Variants in ADTRP observed in about 807,000 individuals in gnomAD.
ADTRP encodes the protein androgen dependent TFPI regulating protein.
Under a neutral mutation model 27.0 loss-of-function variants are expected in ADTRP, and 20 were observed. The ratio of observed to expected loss-of-function variants is 0.74; its 90% confidence interval spans 0.52 to 1.08. The LOEUF is 1.08. ADTRP is among the 50% of genes least tolerant of loss of function. The pLI, the probability that ADTRP is intolerant of heterozygous loss-of-function variation, is 0.00. For missense variants in ADTRP, 251 were observed against 275.0 expected (o/e 0.91, Z 0.62); for synonymous variants, 101 against 105.2 (o/e 0.96, Z 0.25).
At chr6:11,764,399 T>C (rs991468494) in intron 3 of ADTRP, among the ~76,000 whole-genome samples, 1 of 152,190 alleles carries the variant, frequency 6.6e-6, no homozygotes, top group African/African-American at 2.4e-5. Flanking sequence ...CTTGAGAAGA[T>C]GTTTGCTAGG....
intron 3 of ADTRP, among the ~76,000 whole-genome samples, chr6:11,762,643 G>T: frequency 6.6e-6 from 1 of 152,166 alleles, no homozygotes; most frequent in East Asian, 1.9e-4. Flanking sequence ...ATAAGCTAGT[G>T]GATCTTGGCT....
At chr6:11,715,577 T>C (rs984612825) in intron 5 of ADTRP, among the ~76,000 whole-genome samples, 3 of 152,122 alleles carry the variant, frequency 2.0e-5, no homozygotes, top group East Asian at 1.9e-4. Flanking sequence ...CCGAGGCTTA[T>C]TGTTTATCAA....
intron 1 of ADTRP, chr6:11,769,968 AC>A (rs1763712120): frequency 6.6e-7 from 1 of 1,512,198 alleles, no homozygotes; most frequent in East Asian, 2.5e-5. Flanking sequence ...TAACAACCTT[AC>A]GAGCCAAGTC....
At chr6:11,715,432 T>A (rs976006627) in intron 5 of ADTRP, among the ~76,000 whole-genome samples, 7 of 152,138 alleles carry the variant, frequency 4.6e-5, no homozygotes, top group African/African-American at 1.7e-4. Flanking sequence ...TTACACTGAT[T>A]TCCTAGGATG....
At chr6:11,774,152 C>CA (rs35064760) in intron 1 of ADTRP, among the ~76,000 whole-genome samples, 97,694 of 150,344 alleles carry the variant, frequency 0.65, 32,132 homozygotes, top group East Asian at 0.93. Context: ...ACTAAAAATA[C>CA]AAAAAAAATT....
At chr6:11,763,430 C>A (rs1376581653) in intron 3 of ADTRP, among the ~76,000 whole-genome samples, 1 of 152,178 alleles carries the variant, frequency 6.6e-6, no homozygotes, top group Non-Finnish European at 1.5e-5. Flanking sequence ...ATGAAAGAAG[C>A]TTTCAGGACA....
chr6:11,726,519 C>T (rs1374371266), intron 4 of ADTRP, among the ~76,000 whole-genome samples: 1 of 152,188 alleles, frequency 6.6e-6, no homozygotes, highest in Non-Finnish European at 1.5e-5. Flanking sequence ...ATCTTCTCCA[C>T]CACATTGTGA....
chr6:11,763,345 G>A (rs1763450952), intron 3 of ADTRP, among the ~76,000 whole-genome samples: 1 of 152,230 alleles, frequency 6.6e-6, no homozygotes, highest in Non-Finnish European at 1.5e-5. Context: ...AACAACTGGG[G>A]CAGCATCATA....
intron 1 of ADTRP, among the ~76,000 whole-genome samples, chr6:11,772,807 T>C (rs1484953500): frequency 6.6e-6 from 1 of 152,196 alleles, no homozygotes; most frequent in Non-Finnish European, 1.5e-5. Flanking sequence ...AGGATTTCTG[T>C]CATCATTCAT....
chr6:11,762,535 A>G (rs1207646455), intron 3 of ADTRP, among the ~76,000 whole-genome samples: 1 of 152,236 alleles, frequency 6.6e-6, no homozygotes, highest in Non-Finnish European at 1.5e-5. Flanking sequence ...TTAAAGAGCC[A>G]GGGAAGGTCC....
chr6:11,736,425 T>A (rs1208547195), intron 3 of ADTRP: 2 of 152,568 alleles, frequency 1.3e-5, no homozygotes, highest in Non-Finnish European at 2.9e-5. Flanking sequence ...TTCGGCATAT[T>A]CTCACACACA....
intron 3 of ADTRP, among the ~76,000 whole-genome samples, chr6:11,752,157 C>T (rs73361777): frequency 0.013 from 1,918 of 152,098 alleles, 49 homozygotes; most frequent in African/African-American, 0.043. Flanking sequence ...CTTCTTGGTA[C>T]CTTTTATTCT....
intron 1 of ADTRP, among the ~76,000 whole-genome samples, chr6:11,776,332 G>T (rs532127762): frequency 6.6e-6 from 1 of 152,150 alleles, no homozygotes; most frequent in East Asian, 1.9e-4. Context: ...GTACCAAGTC[G>T]CAGCTTTTTA....
chr6:11,751,536 C>T (rs76233944), intron 3 of ADTRP, among the ~76,000 whole-genome samples: 2,829 of 152,258 alleles, frequency 0.019, 45 homozygotes, highest in Non-Finnish European at 0.033. Flanking sequence ...TCCAACAGGA[C>T]CTTAGAATAC....
chr6:11,767,141 G>A (rs1359944307), intron 2 of ADTRP, among the ~76,000 whole-genome samples: 1 of 152,170 alleles, frequency 6.6e-6, no homozygotes, highest in East Asian at 1.9e-4. Flanking sequence ...GGAGGCCAAG[G>A]CAGGCAGATC....
chr6:11,776,443 G>A (rs1274902847), intron 1 of ADTRP, among the ~76,000 whole-genome samples: 1 of 152,188 alleles, frequency 6.6e-6, no homozygotes, highest in African/African-American at 2.4e-5. Flanking sequence ...CTTCTGTTTT[G>A]GAGCCAAAGT....
chr6:11,733,256 C>T (rs888092180), intron 4 of ADTRP, among the ~76,000 whole-genome samples: 1 of 152,258 alleles, frequency 6.6e-6, no homozygotes, highest in Non-Finnish European at 1.5e-5. Flanking sequence ...ACACTTCAGC[C>T]AGAATCATCT....
In ADTRP at chr6:11,714,406, GAAA is replaced by G. The variant is rs35108078; in HGVS notation, c.*69_*71del. 5.2e-5 allele frequency: 71 copies of G among 1,362,222 alleles called. No homozygotes were observed. Among genetic ancestry groups the G allele is most frequent in the Middle Eastern group, 2.0e-4 (1 of 4,890 alleles). 84.4% of individuals were successfully genotyped at this position (1,362,222 alleles called of 1,614,324 possible). ...GTTCCTCCACCACCTCCCTCCACCA[GAAA>G]AAAAAAAAAAAGATGAGAAAAATCT... is the stretch of plus-strand genomic sequence containing the variant. On this transcript the variant is annotated 3_prime_UTR_variant, in exon 6 of 6. Transcript: ENST00000414691.
intron 4 of ADTRP, among the ~76,000 whole-genome samples, chr6:11,727,266 C>A (rs1762238679): frequency 4.6e-5 from 7 of 152,150 alleles, no homozygotes. Flanking sequence ...GTGATCCGCC[C>A]ACCTCAGCCT....
Sources: gnomAD v4.1 joint callset for allele counts (sites outside exome capture counted in the v4.1 genomes callset) on GRCh38, gnomAD v4.1.1 for gene constraint, MANE v1.5 for transcripts, NCBI Gene and HGNC (gene_info 2026-07-23, HGNC 2026-07-21) for gene names.